The following MACROD1 variants were observed in gnomAD, a reference collection of about 807,000 sequenced individuals.
MACROD1 encodes ADP-ribose glycohydrolase MACROD1.
A neutral mutation model predicts 41.4 loss-of-function variants in MACROD1; 31 were observed. That is an observed-to-expected ratio of 0.75 (90% CI 0.56 to 1.01). The LOEUF is 1.01. MACROD1 is among the 50% of genes least tolerant of loss of function. MACROD1 has a pLI of 0.00. For missense variants in MACROD1, 473 were observed against 460.0 expected, an observed-to-expected ratio of 1.03 and a Z score of -0.26; for synonymous variants, 252 against 203.4, an observed-to-expected ratio of 1.24 and a Z score of -2.03.
chr11:64,128,944 C>T (rs1012747798), intron 3 of MACROD1, among the ~76,000 whole-genome samples: 1 of 152,216 alleles, frequency 6.6e-6, no homozygotes, highest in South Asian at 2.1e-4. Context: ...CATGTGAGTA[C>T]AAGGAGGATG....
intron 3 of MACROD1, among the ~76,000 whole-genome samples, chr11:64,140,748 G>A (rs949112855): frequency 1.3e-5 from 2 of 152,214 alleles, no homozygotes; most frequent in African/African-American, 4.8e-5. Context: ...CAAGAAAACA[G>A]GCTCAGAGAG....
At chr11:64,113,784 GACAGGTGCATGCATGATGGATGAATGA>G (rs1370672591) in intron 3 of MACROD1, among the ~76,000 whole-genome samples, 4 of 148,758 alleles carry the variant, frequency 2.7e-5, no homozygotes, top group East Asian at 2.0e-4. Flanking sequence ...TGGATGGATG[GACAGGTGCATGCATGATGGATGAATGA>G]ACAGGTGGAC....
chr11:64,061,349 C>A (rs1299737708), intron 3 of MACROD1, among the ~76,000 whole-genome samples: 1 of 152,212 alleles, frequency 6.6e-6, no homozygotes, highest in Admixed American at 6.5e-5. Context: ...CAGCCCGCAG[C>A]CTGGAGGTGA....
chr11:64,062,812 C>T (rs1487531484), intron 3 of MACROD1, among the ~76,000 whole-genome samples: 2 of 152,168 alleles, frequency 1.3e-5, no homozygotes, highest in African/African-American at 4.8e-5. Flanking sequence ...TGCCTGCCCA[C>T]ACAGCTCACA....
intron 3 of MACROD1, among the ~76,000 whole-genome samples, chr11:64,139,824 C>T (rs10897474): frequency 0.35 from 53,733 of 151,616 alleles, 12,258 homozygotes; most frequent in Non-Finnish European, 0.51. Context: ...GGCGTGGTGG[C>T]GGGCGCCTGT....
chr11:64,126,002 G>T (rs1050651473), intron 3 of MACROD1, among the ~76,000 whole-genome samples: 1 of 152,226 alleles, frequency 6.6e-6, no homozygotes, highest in African/African-American at 2.4e-5. Flanking sequence ...CTGGAGCCAG[G>T]CGGCTCCAGG....
chr11:64,005,183 T>C (rs984353987), intron 4 of MACROD1, among the ~76,000 whole-genome samples: 3 of 152,084 alleles, frequency 2.0e-5, no homozygotes, highest in African/African-American at 7.2e-5. Context: ...GCGTGTGCCA[T>C]GATGCCTGGC....
At chr11:64,078,696 A>T (rs1386780724) in intron 3 of MACROD1, among the ~76,000 whole-genome samples, 2 of 152,126 alleles carry the variant, frequency 1.3e-5, no homozygotes, top group African/African-American at 4.8e-5. Flanking sequence ...GTGCCCCAGC[A>T]GCAAAGGGGG....
intron 3 of MACROD1, among the ~76,000 whole-genome samples, chr11:64,074,562 T>C (rs939013745): frequency 5.9e-5 from 9 of 152,206 alleles, no homozygotes; most frequent in African/African-American, 1.7e-4. Context: ...GCAATTCCGA[T>C]GTCACCTCCA....
chr11:64,041,974 G>A (rs1943495513), intron 3 of MACROD1, among the ~76,000 whole-genome samples: 1 of 152,226 alleles, frequency 6.6e-6, no homozygotes, highest in Non-Finnish European at 1.5e-5. Context: ...CCCTGAGTGG[G>A]GACTTGGGTT....
At chr11:64,006,106 G>A (rs979529296) in intron 4 of MACROD1, among the ~76,000 whole-genome samples, 5 of 152,210 alleles carry the variant, frequency 3.3e-5, no homozygotes, top group Non-Finnish European at 4.4e-5. Context: ...TACCAACTGC[G>A]TCAAGGGCAG....
At chr11:64,025,711 C>A (rs562468355) in intron 3 of MACROD1, among the ~76,000 whole-genome samples, 115 of 120,582 alleles carry the variant, frequency 9.5e-4, no homozygotes, top group African/African-American at 2.9e-3. Flanking sequence ...CTCATGGGCC[C>A]CCCCCGCTCC....
intron 3 of MACROD1, among the ~76,000 whole-genome samples, chr11:64,123,534 G>T (rs971027124): frequency 1.4e-5 from 2 of 140,842 alleles, no homozygotes; most frequent in South Asian, 2.5e-4. Flanking sequence ...CTCGATGGGT[G>T]GGGTGGGGGG....
At position 64,096,425 on chromosome 11, in the gene MACROD1, T is replaced by A. The variant is rs1944577554; in HGVS notation, c.517+54814A>T. On this transcript the variant is annotated intron_variant, in intron 3 of 10. Transcript: ENST00000255681. The surrounding 1 kb of genome is among the most constrained non-coding windows in gnomAD (Gnocchi z 4.6). ...TGGTCGTTCCTGTCCCCTCTTTTTT[T>A]TTTTTGAGACTGAGTCTCGCTGTGC... Among the ~76,000 whole-genome samples the A allele has an allele frequency of 6.6e-6, 1 of 151,842 alleles. No homozygotes were observed. The highest frequency in any genetic ancestry group is 2.1e-4 in the South Asian group (1 of 4,790).
At chr11:64,068,498 G>A (rs1944046335) in intron 3 of MACROD1, among the ~76,000 whole-genome samples, 1 of 152,236 alleles carries the variant, frequency 6.6e-6, no homozygotes, top group South Asian at 2.1e-4. Flanking sequence ...CCACAAACAT[G>A]AGGTCCTAGG....
At chr11:64,041,973 G>A (rs759709198) in intron 3 of MACROD1, among the ~76,000 whole-genome samples, 6 of 151,922 alleles carry the variant, frequency 3.9e-5, no homozygotes, top group Non-Finnish European at 5.9e-5. Flanking sequence ...ACCCTGAGTG[G>A]GGACTTGGGT....
intron 3 of MACROD1, among the ~76,000 whole-genome samples, chr11:64,093,560 ATCCCTCCCAGTCCT>A (rs777010217): frequency 2.0e-4 from 31 of 152,128 alleles, no homozygotes; most frequent in Non-Finnish European, 2.9e-4. Flanking sequence ...TCTTAACTCC[ATCCCTCCCAGTCCT>A]TCCCTCCCAG....
At chr11:64,104,487 C>T (rs1421962872) in intron 3 of MACROD1, among the ~76,000 whole-genome samples, 1 of 152,148 alleles carries the variant, frequency 6.6e-6, no homozygotes, top group African/African-American at 2.4e-5. Flanking sequence ...GTAAATGGCC[C>T]TGCAGCAGGG....
In MACROD1 at chr11:64,052,004, G is replaced by C. The variant is rs114758405; in HGVS notation, c.518-36723C>G. The stretch of plus-strand genomic sequence containing the variant: ...CTTGGATGAGAGGGGGTCCAGGCGA[G>C]AGCTGGGGGCTTGCTAATGAACTTG... On this transcript the variant is annotated intron_variant, in intron 3 of 10. Coordinates refer to ENST00000255681, the MANE Select transcript of MACROD1 (RefSeq NM_014067.4). Among the ~76,000 whole-genome samples the C allele has an allele frequency of 4.3e-3, 657 of 151,854 alleles. 8 individuals are homozygous for C. The highest frequency in any genetic ancestry group is 0.015 in the African/African-American group (600 of 41,362).
Sources: gnomAD v4.1 joint callset for allele counts (sites outside exome capture counted in the v4.1 genomes callset) on GRCh38, gnomAD v4.1.1 for gene constraint, Gnocchi (gnomAD v3.1) non-coding constraint, MANE v1.5 for transcripts, NCBI Gene and HGNC (gene_info 2026-07-23, HGNC 2026-07-21) for gene names.